ATP13A5: variants seen among roughly 807,000 people sequenced by gnomAD.
ATP13A5 encodes the protein ATPase 13A5.
ATP13A5 carries 149 observed loss-of-function variants against 150.2 expected under a neutral mutation model. The observed-to-expected ratio is 0.99, with a 90% CI of 0.87 to 1.14. ATP13A5 has a LOEUF of 1.14. Ranked by LOEUF, ATP13A5 falls within the 50% of genes most tolerant of loss-of-function variation. The pLI is 0.00. For synonymous variants in ATP13A5, 497 were observed against 522.2 expected, an observed-to-expected ratio of 0.95 and a Z score of 0.66; for missense variants, 1,383 against 1,449.3, an observed-to-expected ratio of 0.95 and a Z score of 0.74.
chr3:193,359,646 T>C (rs970291903), intron 5 of ATP13A5, among the ~76,000 whole-genome samples: 10 of 152,226 alleles, frequency 6.6e-5, no homozygotes, highest in Non-Finnish European at 1.3e-4. Context: ...AGCTTTGCAT[T>C]CAGTGATGTC....
intron 9 of ATP13A5, 151 bp downstream of exon 9, chr3:193,343,776 T>C: frequency 1.4e-6 from 1 of 734,650 alleles, no homozygotes; most frequent in Non-Finnish European, 2.1e-6. Flanking sequence ...TGTTTGTGTA[T>C]ATTGTGTCTC....
In ATP13A5 at chr3:193,284,007, GATTATT is replaced by G. The variant is rs3048432; in HGVS notation, c.3226+901_3226+906del. Among the ~76,000 whole-genome samples, 32 of 141,904 alleles carry G rather than the reference GATTATT, an allele frequency of 2.3e-4. 1 individual carries two copies. The South Asian group carries it at 6.0e-3, about 27-fold the overall frequency. The allele number at this position is 141,904 out of a possible 152,430, so 93.1% of individuals were successfully genotyped here. On this transcript the variant is annotated intron_variant, in intron 27 of 29. Coordinates refer to ENST00000342358, the MANE Select transcript of ATP13A5 (RefSeq NM_198505.4). ...TATTCTCTGGCTTCTTTGGCCTGCG[GATTATT>G]ATTATTATTATTATTATTATTTTTT...
intron 5 of ATP13A5, among the ~76,000 whole-genome samples, chr3:193,356,238 T>A (rs1347013792): frequency 6.6e-6 from 1 of 150,922 alleles, no homozygotes; most frequent in Non-Finnish European, 1.5e-5. Flanking sequence ...TATAATTACC[T>A]GAAAGTACAC....
At chr3:193,344,880 C>T in intron 8 of ATP13A5, 123 bp downstream of exon 8, 1 of 980,882 alleles carries the variant, frequency 1.0e-6, no homozygotes, top group Non-Finnish European at 1.6e-6. Flanking sequence ...TTGCCTCACC[C>T]TCGTCCCAGT....
chr3:193,303,863 G>A lies in ATP13A5; in HGVS notation c.2678+1696C>T, dbSNP rs1718506950. Among the ~76,000 whole-genome samples the A allele has an allele frequency of 2.7e-5, 4 of 150,760 alleles. No individual in the cohort carries two copies. The South Asian group carries it at 8.4e-4, about 32-fold the overall frequency. On this transcript the variant is annotated intron_variant, in intron 23 of 29. Coordinates refer to ENST00000342358, the MANE Select transcript of ATP13A5 (RefSeq NM_198505.4). ...CATATATATGTATATATGTATTTAT[G>A]TAAATATATGTAACATGTTACACAT...
At chr3:193,309,570 G>A (rs976574598) in intron 21 of ATP13A5, among the ~76,000 whole-genome samples, 1 of 152,130 alleles carries the variant, frequency 6.6e-6, no homozygotes, top group Non-Finnish European at 1.5e-5. Context: ...CCTAAGGAAG[G>A]GAATACGGCA....
chr3:193,289,009 A>G (rs1717836430), intron 26 of ATP13A5, among the ~76,000 whole-genome samples: 1 of 152,178 alleles, frequency 6.6e-6, no homozygotes, highest in Non-Finnish European at 1.5e-5. Flanking sequence ...GTGTTTAAAC[A>G]GAATGAGATT....
At chr3:193,285,716 T>C (rs1039517995) in intron 26 of ATP13A5, among the ~76,000 whole-genome samples, 1 of 152,144 alleles carries the variant, frequency 6.6e-6, no homozygotes, top group Admixed American at 6.6e-5. Context: ...TATTCCCTGT[T>C]CCCCACGTAT....
intron 5 of ATP13A5, among the ~76,000 whole-genome samples, chr3:193,359,803 A>ATG (rs560549363): frequency 1.3e-3 from 200 of 149,836 alleles, no homozygotes; most frequent in Middle Eastern, 6.8e-3. Context: ...GTGTGTGTGC[A>ATG]TGTGTGTGTG....
rs1211064247 is a variant in ATP13A5, at chr3:193,284,908, A to G, written c.3226+6T>C. On this transcript the variant is annotated splice_donor_region_variant and intron_variant, in intron 27 of 29. Transcript: ENST00000342358. ...CAGAAAGAAAAATTAAACTTTATAT[A>G]CTTACAGTTTGTATAGATGGGTTTT... 6.2e-7 allele frequency: 1 copy of G among 1,605,166 alleles called. No homozygotes were observed. The highest frequency in any genetic ancestry group is 8.5e-7 in the Non-Finnish European group (1 of 1,174,336).
At chr3:193,303,820 CAT>C (rs962558436) in intron 23 of ATP13A5, among the ~76,000 whole-genome samples, 7 of 151,404 alleles carry the variant, frequency 4.6e-5, no homozygotes, top group African/African-American at 1.5e-4. Flanking sequence ...CACACACACA[CAT>C]ATTTATATAT....
At chr3:193,362,791 T>TTCTCTCTTTCTTTCTC (rs1360581870) in intron 3 of ATP13A5, among the ~76,000 whole-genome samples, 154 bp from the exon 4 acceptor site, 39 of 76,266 alleles carry the variant, frequency 5.1e-4, no homozygotes, top group East Asian at 2.0e-3. Flanking sequence ...CTTTCTTTCT[T>TTCTCTCTTTCTTTCTC]TCTTTCTTTC....
chr3:193,373,940 G>A (rs1277762486), intron 1 of ATP13A5, among the ~76,000 whole-genome samples: 1 of 152,194 alleles, frequency 6.6e-6, no homozygotes, highest in African/African-American at 2.4e-5. Flanking sequence ...GTGTAATTTT[G>A]ACATTTTGTT....
chr3:193,275,276 G>T lies in ATP13A5; in HGVS notation c.3423C>A (p.Leu1141=). 1 of 1,613,766 alleles carries T rather than the reference G, an allele frequency of 6.2e-7. No homozygotes were observed. The highest frequency in any genetic ancestry group is 8.5e-7 in the Non-Finnish European group (1 of 1,180,010). The change falls in exon 30 of 30, where the codon CTC becomes CTA. Residue 1141 remains leucine (L), a synonymous_variant. Transcript: ENST00000342358. ...CAAATTCTCTTTTGATCAACAGCCA[G>T]AGTTCATGATTTTGAAGGATGGAAT... The part of the protein sequence containing the change: ...VEDSILQNHE[L]WLLIKREFGF...
chr3:193,333,160 CACACACACACAA>C (rs1437832422), intron 11 of ATP13A5, among the ~76,000 whole-genome samples: 5 of 149,848 alleles, frequency 3.3e-5, no homozygotes, highest in Non-Finnish European at 5.9e-5. Context: ...CACACACAAA[CACACACACACAA>C]ACACACACAC....
chr3:193,359,641 T>C (rs1712927645), intron 5 of ATP13A5, among the ~76,000 whole-genome samples: 1 of 152,238 alleles, frequency 6.6e-6, no homozygotes, highest in Non-Finnish European at 1.5e-5. Context: ...TTCCCAGCTT[T>C]GCATTCAGTG....
At chr3:193,313,755 C>T (rs1015844415) in intron 19 of ATP13A5, 1 of 365,538 alleles carries the variant, frequency 2.7e-6, no homozygotes, top group East Asian at 4.6e-5. Flanking sequence ...TCAGCCATGA[C>T]TGCACACTGG....
chr3:193,374,278 A>G (rs62285670), intron 1 of ATP13A5, among the ~76,000 whole-genome samples: 2 of 106,044 alleles, frequency 1.9e-5, no homozygotes, highest in African/African-American at 4.4e-5. Flanking sequence ...ATGTATTTGC[A>G]CACACACACA....
chr3:193,362,750 C>CTTCTTTCCTTCT lies in ATP13A5; in HGVS notation c.385-114_385-113insAGAAGGAAAGAA, dbSNP rs1713067974. ...CCCCTTGTGGGTCTCACTTGCTTTC[C>CTTCTTTCCTTCT]TTCTTTCTTTCTTTCTTTCTTTCTT... On this transcript the variant is annotated intron_variant, in intron 3 of 29. Transcript: ENST00000342358. The CTTCTTTCCTTCT allele has an allele frequency of 6.3e-6, 4 of 633,112 alleles. No individual in the cohort carries two copies. The African/African-American group carries it at 1.0e-4, about 16-fold the overall frequency. 39.2% of individuals were successfully genotyped at this position (633,112 alleles called of 1,614,324 possible).
Sources: allele counts gnomAD v4.1 joint callset (sites outside exome capture counted in the v4.1 genomes callset), GRCh38; gene constraint gnomAD v4.1.1; transcripts MANE v1.5; gene names NCBI Gene and HGNC (gene_info 2026-07-23, HGNC 2026-07-21).